The following DNAH10 variants were observed in gnomAD, a reference collection of about 807,000 sequenced individuals.
DNAH10 encodes the protein axonemal beta dynein heavy chain 10.
Under a neutral mutation model 506.6 loss-of-function variants are expected in DNAH10, and 348 were observed. The ratio of observed to expected loss-of-function variants is 0.69; its 90% CI spans 0.63 to 0.75. DNAH10 has a LOEUF of 0.75. DNAH10 is among the 30% of genes least tolerant of loss of function. The probability of loss-of-function intolerance (pLI) is 0.00; values close to 1 mark genes in which losing one functional copy is unlikely to be tolerated. For synonymous variants in DNAH10, 2,059 were observed against 2,198.6 expected, an observed-to-expected ratio of 0.94 and a Z score of 1.78; for missense variants, 5,179 against 5,787.1, an observed-to-expected ratio of 0.89 and a Z score of 3.41.
intron 14 of DNAH10, among the ~76,000 whole-genome samples, chr12:123,799,767 G>T (rs1369885549): frequency 1.3e-5 from 2 of 152,086 alleles, no homozygotes; most frequent in African/African-American, 2.4e-5. Context: ...TTCAGCTCTG[G>T]GCCCCGCACT....
intron 39 of DNAH10, among the ~76,000 whole-genome samples, chr12:123,863,391 G>T (rs60890562): frequency 0.036 from 5,485 of 152,304 alleles, 292 homozygotes; most frequent in African/African-American, 0.11. Context: ...CAAATTACAT[G>T]GTGGTGTTAG....
At chr12:123,782,296 C>T (rs1957684191) in intron 6 of DNAH10, among the ~76,000 whole-genome samples, 1 of 144,138 alleles carries the variant, frequency 6.9e-6, no homozygotes, top group South Asian at 2.3e-4. Context: ...GTTGGGCTTT[C>T]CTTTTGGAAA....
intron 36 of DNAH10, among the ~76,000 whole-genome samples, chr12:123,855,109 A>T (rs1443785650): frequency 1.3e-5 from 2 of 152,180 alleles, no homozygotes. Context: ...AAGGCGGGGA[A>T]CTGCAATCCC....
Position 123,928,122 on chromosome 12 carries a change from T to C in DNAH10, c.12106-265T>C. The C allele has an allele frequency of 1.1e-5, 6 of 564,446 alleles. No individual in the cohort carries two copies. The highest frequency in any genetic ancestry group is 6.4e-5 in the South Asian group (3 of 47,100). 35.0% of individuals were successfully genotyped at this position (564,446 alleles called of 1,614,324 possible). A position where few individuals can be genotyped will look rare whatever the true frequency, so the allele number is the denominator to read the frequency against. On this transcript the variant is annotated intron_variant, in intron 69 of 78. Coordinates refer to ENST00000673944, the MANE Select transcript of DNAH10 (RefSeq NM_001372106.1). The surrounding 1 kb of genome is among the most constrained non-coding windows in gnomAD (Gnocchi z 4.9). ...CGACTGTGTGGGAGGAGCTGGGACT[T>C]CCAGGGCCAGGGAGGCAGATGAGTG...
chr12:123,899,717 C>G (rs1953429509), intron 56 of DNAH10, among the ~76,000 whole-genome samples: 1 of 152,196 alleles, frequency 6.6e-6, no homozygotes, highest in Non-Finnish European at 1.5e-5. Context: ...TGTGTTCATT[C>G]ATTGCACAGC....
At chr12:123,845,933 C>T (rs1173915576) in intron 31 of DNAH10, 38 bp from the exon 32 acceptor site, 2 of 1,613,150 alleles carry the variant, frequency 1.2e-6, no homozygotes, top group Admixed American at 3.3e-5. Flanking sequence ...TGATCTGTCT[C>T]AACGGTTTCC....
intron 12 of DNAH10, among the ~76,000 whole-genome samples, chr12:123,795,777 G>A (rs1468723994): frequency 1.3e-5 from 2 of 152,096 alleles, no homozygotes; most frequent in Non-Finnish European, 2.9e-5. Flanking sequence ...TTACCCCCAC[G>A]AGAGCTCAGA....
At chr12:123,930,350 GCA>G in intron 72 of DNAH10, 50 bp from the exon 73 acceptor site, 1 of 1,444,538 alleles carries the variant, frequency 6.9e-7, no homozygotes, top group Non-Finnish European at 9.1e-7. Context: ...CCCCCAGGGT[GCA>G]CACAGTAGGT....
chr12:123,870,442 A>G lies in DNAH10; in HGVS notation c.7596A>G (p.Pro2532=). 1 of 1,613,932 alleles carries G rather than the reference A, an allele frequency of 6.2e-7. No homozygotes were observed. Among genetic ancestry groups the G allele is most frequent in the Non-Finnish European group, 8.5e-7 (1 of 1,179,876 alleles). ...GGGTCCCATGGAGTAAATTAGTTCC[A>G]GAGTATATTCATGCCCCCGAGAGGA... ...NQWVPWSKLV[P]EYIHAPERKF... The change falls in exon 44 of 79, where the codon CCA becomes CCG. Residue 2532 remains proline, a synonymous_variant. Transcript: ENST00000673944.
In DNAH10 at chr12:123,839,662, A is replaced by T. The variant is rs374479714; in HGVS notation, c.5136+973A>T. On this transcript the variant is annotated intron_variant, in intron 29 of 78. Transcript: ENST00000673944. ...TCATACTTCCTCTATTTTCTTTTCTATTTTTTTTTTTTTTTTTTGAGACAG... is the reference window on the plus strand; with the variant it reads ...TCATACTTCCTCTATTTTCTTTTCTTTTTTTTTTTTTTTTTTTTGAGACAG... Among the ~76,000 whole-genome samples, 319 of 114,600 alleles carry T rather than the reference A, an allele frequency of 2.8e-3. 1 individual carries two copies. Among genetic ancestry groups the T allele is most frequent in the African/African-American group, 6.4e-3 (190 of 29,732 alleles). The allele number at this position is 114,600 out of a possible 152,430, so 75.2% of individuals were successfully genotyped here.
chr12:123,929,362 C>A lies in DNAH10; in HGVS notation c.12394C>A (p.His4132Asn). The A allele has an allele frequency of 6.2e-7, 1 of 1,611,252 alleles. No individual in the cohort carries two copies. The highest frequency in any genetic ancestry group is 8.5e-7 in the Non-Finnish European group (1 of 1,178,726). Residue 4132 changes from histidine to asparagine, a missense_variant, in exon 71 of 79, where the codon CAC becomes AAC. Around this residue, in one of 3 missense-constraint regions of DNAH10, gnomAD observed 4,844 missense variants for 5,430.5 expected, o/e 0.89. Transcript: ENST00000673944. ...ISHEMLDQCP[H>N]PAFKPLVYVL... ...TCACGAAATGCTGGACCAGTGCCCG[C>A]ACCCTGCCTTCAAGCCGCTGGTCTA...
chr12:123,914,520 G>C lies in DNAH10; in HGVS notation c.10544G>C (p.Ser3515Thr), dbSNP rs778606138. Residue 3515 changes from serine (S) to threonine (T), a missense_variant, in exon 61 of 79, where the codon AGC (serine) becomes ACC (threonine). Coordinates refer to ENST00000673944, the MANE Select transcript of DNAH10 (RefSeq NM_001372106.1). ...IPLSQPFRLESLLTDDVEISR... is the reference protein window; with the variant it reads ...IPLSQPFRLETLLTDDVEISR... ...CTGAGCCAGCCTTTCCGGCTGGAAA[G>C]CCTGCTCACGGATGATGTTGAGATC... 1.2e-6 allele frequency: 2 copies of C among 1,613,344 alleles called. No individual in the cohort carries two copies. Among genetic ancestry groups the C allele is most frequent in the Admixed American group, 1.7e-5 (1 of 59,994 alleles).
At chr12:123,817,949 CTT>C (rs369200478) in intron 21 of DNAH10, among the ~76,000 whole-genome samples, 17 of 138,260 alleles carry the variant, frequency 1.2e-4, no homozygotes, top group Admixed American at 2.9e-4. Flanking sequence ...TTCTTTTTCT[CTT>C]TTTTTTTTTT....
chr12:123,926,945 T>A lies in DNAH10; in HGVS notation c.12105+125T>A. On this transcript the variant is annotated intron_variant, in intron 69 of 78. Coordinates refer to ENST00000673944, the MANE Select transcript of DNAH10 (RefSeq NM_001372106.1). The surrounding 1 kb of genome is among the most constrained non-coding windows in gnomAD (Gnocchi z 4.1). ...AAATCAGTTGGATGCATTTCCGAGCTAAGAAGCAGTAATGAAACACTGGGA... is the reference window on the plus strand; with the variant it reads ...AAATCAGTTGGATGCATTTCCGAGCAAAGAAGCAGTAATGAAACACTGGGA... 2 of 1,032,184 alleles carry A rather than the reference T, an allele frequency of 1.9e-6. No homozygotes were observed. The highest frequency in any genetic ancestry group is 2.8e-6 in the Non-Finnish European group (2 of 716,454). 63.9% of individuals were successfully genotyped at this position (1,032,184 alleles called of 1,614,324 possible). A position where few individuals can be genotyped will look rare whatever the true frequency, so the allele number is the denominator to read the frequency against.
At chr12:123,896,154 G>C (rs79918970) in intron 54 of DNAH10, among the ~76,000 whole-genome samples, 18,669 of 59,772 alleles carry the variant, frequency 0.31, 1,643 homozygotes, top group Non-Finnish European at 0.39. Flanking sequence ...CACACAGAGA[G>C]AGAGAGAGAG....
At chr12:123,872,007 C>T (rs1281868904) in intron 45 of DNAH10, among the ~76,000 whole-genome samples, 3 of 152,136 alleles carry the variant, frequency 2.0e-5, no homozygotes, top group Non-Finnish European at 1.5e-5. Context: ...CCCTTCTGCC[C>T]TAATCTATGG....
Position 123,918,763 on chromosome 12 carries a change from G to A in DNAH10, c.11320G>A (p.Ala3774Thr), listed in dbSNP as rs1427210749. 1 of 1,611,394 alleles carries A rather than the reference G, an allele frequency of 6.2e-7. No homozygotes were observed. The highest frequency in any genetic ancestry group is 1.3e-5 in the African/African-American group (1 of 74,896). ...CTACCGGCCAGCAGCCAGGAGGGGG[G>A]CCATCCTGTTCTTCGTCCTGTCTGA... is the stretch of plus-strand genomic sequence containing the variant. ...DGYRPAARRG[A>T]ILFFVLSEMA... Residue 3774 changes from alanine to threonine, a missense_variant, in exon 65 of 79, where the codon GCC becomes ACC. Transcript: ENST00000673944.
rs1010611891 is a variant in DNAH10 at position 123,929,882 on chromosome 12, T to G, written c.12612+123T>G. 7.3e-6 allele frequency: 6 copies of G among 817,180 alleles called. No homozygotes were observed. The African/African-American group carries it at 1.0e-4, about 14-fold the overall frequency. 50.6% of individuals were successfully genotyped at this position (817,180 alleles called of 1,614,324 possible). Reference sequence around the variant, plus strand: ...TCTGCCCCTGTGTTCCCCTTGGGTTTCTGTGACAATTCTCTCTGCTCTCAC... The same window carrying G: ...TCTGCCCCTGTGTTCCCCTTGGGTTGCTGTGACAATTCTCTCTGCTCTCAC... On this transcript the variant is annotated intron_variant, in intron 72 of 78. Coordinates refer to ENST00000673944, the MANE Select transcript of DNAH10 (RefSeq NM_001372106.1).
chr12:123,854,641 A>G (rs932837867), intron 36 of DNAH10, among the ~76,000 whole-genome samples: 22 of 152,224 alleles, frequency 1.4e-4, no homozygotes, highest in African/African-American at 5.3e-4. Flanking sequence ...TCATCCAGCA[A>G]TGTGGACTTA....
Sources: gnomAD v4.1 joint callset for allele counts (sites outside exome capture counted in the v4.1 genomes callset) on GRCh38, gnomAD v4.1.1 for gene constraint, gnomAD v4.1.1 regional missense constraint, Gnocchi (gnomAD v3.1) non-coding constraint, MANE v1.5 for transcripts, NCBI Gene and HGNC (gene_info 2026-07-23, HGNC 2026-07-21) for gene names.